ADGRL2: variants seen among roughly 807,000 people sequenced by gnomAD.
ADGRL2 encodes the protein calcium-independent alpha-latrotoxin receptor 2.
ADGRL2 carries 44 observed loss-of-function variants against 157.4 expected under a neutral mutation model. That is an observed-to-expected ratio of 0.28 (90% CI 0.22 to 0.36). The LOEUF is 0.36. Among genes scored for constraint, ADGRL2 ranks in the 10% least tolerant of loss-of-function variants. The pLI, the probability that ADGRL2 is intolerant of heterozygous loss-of-function variation, is 1.00. For synonymous variants in ADGRL2, 585 were observed against 624.7 expected, an observed-to-expected ratio of 0.94 and a Z score of 0.95; for missense variants, 1,510 against 1,768.9, an observed-to-expected ratio of 0.85 and a Z score of 2.63.
intron 1 of ADGRL2, among the ~76,000 whole-genome samples, chr1:81,824,356 C>T (rs367828569): frequency 4.1e-4 from 63 of 152,192 alleles, no homozygotes; most frequent in African/African-American, 1.4e-3. Flanking sequence ...CTCACTGTAG[C>T]GTGGAACTCC....
At chr1:81,501,756 A>G in intron 2 of ADGRL2, 2 of 1,611,348 alleles carry the variant, frequency 1.2e-6, no homozygotes, top group Non-Finnish European at 1.7e-6. Flanking sequence ...CTGTGGGTGA[A>G]GCTTGAGGCA....
At chr1:81,792,306 G>T (rs1395547601) in intron 2 of ADGRL2, among the ~76,000 whole-genome samples, 1 of 152,142 alleles carries the variant, frequency 6.6e-6, no homozygotes, top group Non-Finnish European at 1.5e-5. Context: ...TCTAACAGGG[G>T]TCCTATGCAA....
chr1:81,397,896 C>T (rs1404068229), intron 1 of ADGRL2, among the ~76,000 whole-genome samples: 1 of 152,112 alleles, frequency 6.6e-6, no homozygotes, highest in Non-Finnish European at 1.5e-5. Flanking sequence ...ATAATCTGTC[C>T]AGTGCTGAAA....
At chr1:81,868,414 A>G (rs1434279947) in intron 2 of ADGRL2, among the ~76,000 whole-genome samples, 3 of 152,090 alleles carry the variant, frequency 2.0e-5, no homozygotes, top group Non-Finnish European at 2.9e-5. Context: ...TTTCCTATCA[A>G]AAACTCTCAG....
At chr1:81,748,467 C>CAAAAAAAAAAAAAAAAAAAAAAAAAA (rs973818702) in intron 1 of ADGRL2, among the ~76,000 whole-genome samples, 1 of 42,420 alleles carries the variant, frequency 2.4e-5, no homozygotes, top group Non-Finnish European at 4.4e-5. Context: ...GATTCCGTCT[C>CAAAAAAAAAAAAAAAAAAAAAAAAAA]AAAAAAAAAA....
intron 2 of ADGRL2, among the ~76,000 whole-genome samples, chr1:81,776,941 C>T (rs1048494870): frequency 9.2e-5 from 14 of 152,138 alleles, no homozygotes; most frequent in Non-Finnish European, 1.8e-4. Context: ...TTAACACTGT[C>T]GCTAGCACAG....
intron 3 of ADGRL2, among the ~76,000 whole-genome samples, chr1:81,586,623 A>G (rs1283768410): frequency 3.3e-5 from 5 of 152,152 alleles, no homozygotes; most frequent in Non-Finnish European, 1.5e-5. Context: ...AATTTTATTT[A>G]GAAAAAGCTA....
At chr1:81,900,542 A>G (rs2151614987) in intron 2 of ADGRL2, among the ~76,000 whole-genome samples, 1 of 152,264 alleles carries the variant, frequency 6.6e-6, no homozygotes, top group East Asian at 1.9e-4. Context: ...AGGGAAAAAA[A>G]AAAATGGGGA....
chr1:81,776,419 C>T (rs2086588018), intron 2 of ADGRL2, among the ~76,000 whole-genome samples: 1 of 152,128 alleles, frequency 6.6e-6, no homozygotes, highest in African/African-American at 2.4e-5. Context: ...AATCTCTTGA[C>T]CTCGTGATCT....
chr1:81,659,948 A>G (rs547609249), intron 3 of ADGRL2, among the ~76,000 whole-genome samples: 3 of 152,368 alleles, frequency 2.0e-5, no homozygotes, highest in African/African-American at 7.2e-5. Context: ...AAAGAAAACC[A>G]TTATTTCAAT....
intron 3 of ADGRL2, among the ~76,000 whole-genome samples, chr1:81,926,372 A>G (rs1349209146): frequency 1.3e-5 from 2 of 152,022 alleles, no homozygotes; most frequent in Admixed American, 1.3e-4. Flanking sequence ...GGTTATAGGA[A>G]GGAAAAACAT....
At chr1:81,868,284 G>T (rs960768312) in intron 2 of ADGRL2, among the ~76,000 whole-genome samples, 3 of 152,056 alleles carry the variant, frequency 2.0e-5, no homozygotes, top group African/African-American at 7.2e-5. Context: ...TACAAATAGG[G>T]TATGTTCTAC....
intron 3 of ADGRL2, among the ~76,000 whole-genome samples, chr1:81,634,217 C>A (rs1156446898): frequency 6.6e-6 from 1 of 152,140 alleles, no homozygotes; most frequent in Non-Finnish European, 1.5e-5. Flanking sequence ...TATTAACCAC[C>A]GAACCCAATT....
At chr1:81,952,855 C>A in intron 9 of ADGRL2, 132 bp from the exon 10 acceptor site, 1 of 677,872 alleles carries the variant, frequency 1.5e-6, no homozygotes, top group Non-Finnish European at 2.7e-6. Flanking sequence ...AGTGCAGACT[C>A]AGACTCCAGA....
At chr1:81,779,426 C>T (rs2086724374) in intron 2 of ADGRL2, among the ~76,000 whole-genome samples, 1 of 152,008 alleles carries the variant, frequency 6.6e-6, no homozygotes, top group South Asian at 2.1e-4. Flanking sequence ...ATGTCTTCAA[C>T]TTAAAAAAAA....
intron 1 of ADGRL2, among the ~76,000 whole-genome samples, chr1:81,746,053 A>G (rs1189629142): frequency 2.0e-5 from 3 of 152,158 alleles, no homozygotes; most frequent in African/African-American, 7.2e-5. Context: ...ATGCATGGAG[A>G]TAAATAACAG....
intron 1 of ADGRL2, among the ~76,000 whole-genome samples, chr1:81,812,729 G>C (rs962565213): frequency 2.6e-5 from 4 of 151,778 alleles, no homozygotes; most frequent in Non-Finnish European, 5.9e-5. Flanking sequence ...CAGATTAGAT[G>C]AGTTGCATAT....
chr1:81,329,803 G>A (rs1661150545), intron 1 of ADGRL2, among the ~76,000 whole-genome samples: 1 of 152,124 alleles, frequency 6.6e-6, no homozygotes, highest in Non-Finnish European at 1.5e-5. Context: ...AATCAGAGAG[G>A]AAAATTGCTG....
intron 1 of ADGRL2, among the ~76,000 whole-genome samples, chr1:81,423,358 G>GC (rs1173230922): frequency 6.6e-6 from 1 of 152,158 alleles, no homozygotes; most frequent in African/African-American, 2.4e-5. Context: ...TGGCAGGCAG[G>GC]CATGCCCAGG....
Sources: allele counts gnomAD v4.1 joint callset (sites outside exome capture counted in the v4.1 genomes callset), GRCh38; gene constraint gnomAD v4.1.1; transcripts MANE v1.5; gene names NCBI Gene and HGNC (gene_info 2026-07-23, HGNC 2026-07-21).